TMTC1: variants seen among roughly 807,000 people sequenced by gnomAD.
The protein encoded by TMTC1 is protein O-mannosyl-transferase TMTC1.
TMTC1 carries 73 observed loss-of-function variants against 104.8 expected under a neutral mutation model. That is an observed-to-expected ratio of 0.70 (90% CI 0.58 to 0.85). The LOEUF (loss-of-function observed/expected upper bound fraction) is 0.85. Among genes scored for constraint, TMTC1 ranks in the 40% least tolerant of loss-of-function variants. The pLI, the probability that TMTC1 is intolerant of heterozygous loss-of-function variation, is 0.00. For synonymous variants in TMTC1, 434 were observed against 428.7 expected (o/e 1.01, Z -0.15); for missense variants, 1,035 against 1,096.1 (o/e 0.94, Z 0.79).
At chr12:29,708,633 TCAACAC>T (rs1007085517) in intron 5 of TMTC1, among the ~76,000 whole-genome samples, 1 of 152,184 alleles carries the variant, frequency 6.6e-6, no homozygotes, top group Admixed American at 6.5e-5. Context: ...ATACCCAAAG[TCAACAC>T]CAACTGCTGA....
intron 2 of TMTC1, 42 bp downstream of exon 2, chr12:29,767,856 A>G: frequency 5.8e-6 from 9 of 1,562,560 alleles, no homozygotes; most frequent in Non-Finnish European, 7.0e-6. Flanking sequence ...ATACATACAC[A>G]CATTCATATT....
intron 1 of TMTC1, among the ~76,000 whole-genome samples, chr12:29,778,270 A>G (rs1415143204): frequency 6.6e-6 from 1 of 152,230 alleles, no homozygotes; most frequent in Non-Finnish European, 1.5e-5. Flanking sequence ...CATCTTTAAC[A>G]TTAAAAAATC....
chr12:29,526,901 C>T (rs1039707676), intron 11 of TMTC1, among the ~76,000 whole-genome samples: 14 of 152,034 alleles, frequency 9.2e-5, no homozygotes, highest in African/African-American at 3.4e-4. Context: ...AATTTTGGAA[C>T]ATATATTAAT....
intron 5 of TMTC1, among the ~76,000 whole-genome samples, chr12:29,654,891 T>C (rs767983126): frequency 2.6e-5 from 4 of 152,058 alleles, no homozygotes; most frequent in Non-Finnish European, 5.9e-5. Context: ...TTTTTTGTTG[T>C]TGTTGTTGTT....
At chr12:29,721,945 TTTTG>T (rs1942247652) in intron 5 of TMTC1, among the ~76,000 whole-genome samples, 2 of 151,976 alleles carry the variant, frequency 1.3e-5, no homozygotes, top group African/African-American at 4.8e-5. Flanking sequence ...GATAAAGGGG[TTTTG>T]TTTTTCAGTT....
chr12:29,506,988 T>A lies in TMTC1; in HGVS notation c.2509-2A>T. ...AGCTCTTGCAGACACATATTTTCCC[T>A]GGGGGTGGGAAAGAGGGAGCAATTA... On this transcript the variant is annotated splice_acceptor_variant, in intron 17 of 17. Coordinates refer to ENST00000539277, the MANE Select transcript of TMTC1 (RefSeq NM_001193451.2). LOFTEE classifies it high-confidence loss of function. The A allele has an allele frequency of 6.2e-7, 1 of 1,612,886 alleles. No individual in the cohort carries two copies. The highest frequency in any genetic ancestry group is 8.5e-7 in the Non-Finnish European group (1 of 1,178,940).
intron 5 of TMTC1, among the ~76,000 whole-genome samples, chr12:29,741,135 C>T (rs1251344668): frequency 6.6e-6 from 1 of 152,160 alleles, no homozygotes; most frequent in Middle Eastern, 3.2e-3. Flanking sequence ...ATACATAAAA[C>T]ACAAAACTTA....
intron 5 of TMTC1, among the ~76,000 whole-genome samples, chr12:29,740,742 G>T (rs1482738903): frequency 9.9e-5 from 15 of 152,096 alleles, no homozygotes; most frequent in Non-Finnish European, 1.5e-5. Context: ...ATGGTGCTAG[G>T]ATTGTATGCA....
chr12:29,686,758 C>A (rs1209401896), intron 5 of TMTC1, among the ~76,000 whole-genome samples: 1 of 152,212 alleles, frequency 6.6e-6, no homozygotes, highest in African/African-American at 2.4e-5. Context: ...TACACCCAAC[C>A]TAGAAGTCAG....
intron 5 of TMTC1, among the ~76,000 whole-genome samples, chr12:29,670,840 A>G (rs1002599194): frequency 3.4e-5 from 5 of 147,940 alleles, no homozygotes; most frequent in Non-Finnish European, 7.4e-5. Context: ...CTGAGGTGGG[A>G]GGATTGCTTG....
intron 5 of TMTC1, among the ~76,000 whole-genome samples, chr12:29,683,851 T>TC (rs111700882): frequency 0.14 from 21,007 of 152,060 alleles, 1,740 homozygotes; most frequent in East Asian, 0.34. Flanking sequence ...TATCATTTTT[T>TC]TTTTTTTTTG....
intron 5 of TMTC1, among the ~76,000 whole-genome samples, chr12:29,713,955 G>T (rs947413094): frequency 6.6e-6 from 1 of 151,980 alleles, no homozygotes; most frequent in African/African-American, 2.4e-5. Flanking sequence ...TTGCAGCTGC[G>T]GGTTCTCTCT....
At chr12:29,623,641 T>C (rs1937798570) in intron 6 of TMTC1, among the ~76,000 whole-genome samples, 1 of 152,074 alleles carries the variant, frequency 6.6e-6, no homozygotes, top group Non-Finnish European at 1.5e-5. Context: ...GGCGAAACCC[T>C]GTCTCTACTG....
rs958569964 is a variant in TMTC1, at chr12:29,502,312, T to G, written c.*4534A>C. ...CTCTAAATTTATTATTTTAAGAAGG[T>G]GAATCCACCACAAATCAAAGCAAAA... On this transcript the variant is annotated 3_prime_UTR_variant, in exon 18 of 18. Coordinates refer to ENST00000539277, the MANE Select transcript of TMTC1 (RefSeq NM_001193451.2). 2 of 150,486 alleles carry G rather than the reference T, an allele frequency of 1.3e-5. No homozygotes were observed. The highest frequency in any genetic ancestry group is 4.9e-5 in the African/African-American group (2 of 40,742). 9.3% of individuals were successfully genotyped at this position (150,486 alleles called of 1,614,324 possible). A position where few individuals can be genotyped will look rare whatever the true frequency, so the allele number is the denominator to read the frequency against.
chr12:29,548,040 A>T (rs12312139), intron 10 of TMTC1, among the ~76,000 whole-genome samples: 14,225 of 152,224 alleles, frequency 0.093, 2,221 homozygotes, highest in African/African-American at 0.32. Flanking sequence ...GGCGCTAACC[A>T]TTCTTCTTGC....
rs117522172 is a variant in TMTC1, at chr12:29,708,438, A to C, written c.938+43228T>G. Among the ~76,000 whole-genome samples the C allele has an allele frequency of 8.9e-3, 1,357 of 152,348 alleles. 10 individuals carry two copies. Among genetic ancestry groups the C allele is most frequent in the Non-Finnish European group, 0.014 (960 of 68,032 alleles). On this transcript the variant is annotated intron_variant, in intron 5 of 17. Transcript: ENST00000539277. ...GAGGAACAAATAATTTGTCGAAGTC[A>C]CTTCAGAGATCATCCAAAACACTAG... is the stretch of plus-strand genomic sequence containing the variant.
rs368790995 is a variant in TMTC1 at position 29,536,195 on chromosome 12, T to C, written c.1785+14A>G. On this transcript the variant is annotated intron_variant, in intron 11 of 17. Coordinates refer to ENST00000539277, the MANE Select transcript of TMTC1 (RefSeq NM_001193451.2). ...ACAATAACATTGAAAAAAACTACTG[T>C]GTGAAACAATTACCTGCTCAGCCAA... The C allele has an allele frequency of 4.5e-5, 69 of 1,520,862 alleles. No individual in the cohort carries two copies. In the Middle Eastern group the frequency reaches 2.2e-3, roughly 49 times the overall value. 94.2% of individuals were successfully genotyped at this position (1,520,862 alleles called of 1,614,324 possible).
intron 5 of TMTC1, among the ~76,000 whole-genome samples, chr12:29,751,399 G>A (rs1431832709): frequency 6.6e-6 from 1 of 152,098 alleles, no homozygotes; most frequent in African/African-American, 2.4e-5. Flanking sequence ...ATCTTCTGAT[G>A]CCTGAGGCTG....
chr12:29,518,596 T>C lies in TMTC1; in HGVS notation c.1900A>G (p.Lys634Glu). The C allele has an allele frequency of 6.2e-7, 1 of 1,614,014 alleles. No homozygotes were observed. The highest frequency in any genetic ancestry group is 1.1e-5 in the South Asian group (1 of 91,070). The change falls in exon 13 of 18, where the codon AAG (lysine) becomes GAG (glutamate). Residue 634 changes from lysine (K) to glutamate (E), a missense_variant. Lys to Glu is a moderately conservative substitution (Grantham distance 56). Transcript: ENST00000539277. ...GCCTGCTGGTAATGGGCCACTGCCTTTTCTGGTAAGCCTGTAACCAGTGAC... is the reference window on the plus strand; with the variant it reads ...GCCTGCTGGTAATGGGCCACTGCCTCTTCTGGTAAGCCTGTAACCAGTGAC... ...VFLVDTGLPE[K>E]AVAHYQQAIK...
Sources: gnomAD v4.1 joint callset for allele counts (sites outside exome capture counted in the v4.1 genomes callset) on GRCh38, gnomAD v4.1.1 for gene constraint, MANE v1.5 for transcripts, NCBI Gene and HGNC (gene_info 2026-07-23, HGNC 2026-07-21) for gene names.